Variants in FMN2 observed in about 807,000 individuals in gnomAD.
FMN2 encodes the protein formin 2, also known as formin-2.
FMN2 carries 51 observed loss-of-function variants against 142.3 expected under a neutral mutation model. The ratio of observed to expected loss-of-function variants is 0.36; its 90% CI spans 0.29 to 0.45. FMN2 has a LOEUF of 0.45. Among genes scored for constraint, FMN2 ranks in the 20% least tolerant of loss-of-function variants. The pLI, the probability that FMN2 is intolerant of heterozygous loss-of-function variation, is 1.00. For missense variants in FMN2, 1,936 were observed against 2,122.8 expected, an observed-to-expected ratio of 0.91 and a Z score of 1.73; for synonymous variants, 882 against 869.8, an observed-to-expected ratio of 1.01 and a Z score of -0.25.
At position 240,123,320 on chromosome 1, in the gene FMN2, C is replaced by T. The variant is rs765480341; in HGVS notation, c.1757C>T (p.Ala586Val). The change falls in exon 2 of 18, where the codon GCC (alanine) becomes GTC (valine). Residue 586 changes from alanine to valine, a missense_variant. Transcript: ENST00000319653. ...DCFREPCNQN[A>V]QTNAASFDQD... ...TTCAGGGAACCGTGTAATCAGAATG[C>T]CCAGACGAATGCAGCTTCGTTTGAT... is the stretch of plus-strand genomic sequence containing the variant. 7.4e-6 allele frequency: 12 copies of T among 1,613,946 alleles called. No homozygotes were observed. The highest frequency in any genetic ancestry group is 9.3e-6 in the Non-Finnish European group (11 of 1,179,966).
chr1:240,116,864 A>T (rs1052394282), intron 1 of FMN2, among the ~76,000 whole-genome samples: 2 of 152,138 alleles, frequency 1.3e-5, no homozygotes, highest in African/African-American at 4.8e-5. Flanking sequence ...AAGGAGGGAG[A>T]GGTAGCAAAC....
intron 14 of FMN2, among the ~76,000 whole-genome samples, chr1:240,358,030 G>T (rs1396651266): frequency 2.0e-5 from 3 of 152,150 alleles, no homozygotes; most frequent in African/African-American, 7.2e-5. Context: ...CTTAGAAGTA[G>T]GAAATGCTTC....
At chr1:240,256,014 A>G (rs57537518) in intron 6 of FMN2, among the ~76,000 whole-genome samples, 4,183 of 152,306 alleles carry the variant, frequency 0.027, 179 homozygotes, top group African/African-American at 0.095. Flanking sequence ...AAGAGAAGTT[A>G]CTACAAGGGT....
intron 14 of FMN2, among the ~76,000 whole-genome samples, chr1:240,375,801 T>C (rs889290030): frequency 1.3e-5 from 2 of 152,224 alleles, no homozygotes; most frequent in African/African-American, 4.8e-5. Flanking sequence ...AATGTCTCCA[T>C]TGCTTTGACA....
chr1:240,357,035 A>C (rs541429157), intron 14 of FMN2, among the ~76,000 whole-genome samples: 3 of 152,220 alleles, frequency 2.0e-5, no homozygotes, highest in Non-Finnish European at 4.4e-5. Flanking sequence ...AGTAAATATT[A>C]GGGAACATTG....
In FMN2 at chr1:240,135,444, CA is replaced by C. The variant is rs369564666; in HGVS notation, c.1782+12100del. On this transcript the variant is annotated intron_variant, in intron 2 of 17. Coordinates refer to ENST00000319653, the MANE Select transcript of FMN2 (RefSeq NM_020066.5). ...AGAATATAATAAGTGGATATGTATC[CA>C]GAAGTTCCTACTCGATTTCTTTCTT... 7.0e-4 allele frequency among the ~76,000 whole-genome samples: 106 copies of C among 152,134 alleles called. No homozygotes were observed. In the East Asian group the frequency reaches 0.013, roughly 18 times the overall value.
intron 2 of FMN2, among the ~76,000 whole-genome samples, chr1:240,167,319 G>A (rs952131609): frequency 1.4e-5 from 2 of 148,036 alleles, no homozygotes; most frequent in African/African-American, 5.1e-5. Flanking sequence ...ACAGAATTTT[G>A]CTCTGACACC....
chr1:240,132,271 G>A lies in FMN2; in HGVS notation c.1782+8926G>A, dbSNP rs538975939. On this transcript the variant is annotated intron_variant, in intron 2 of 17. Coordinates refer to ENST00000319653, the MANE Select transcript of FMN2 (RefSeq NM_020066.5). ...AAGGGCAAGGGAACTGATATTGCTG[G>A]CATAGACCATAGGTTGTATGGTAAA... Among the ~76,000 whole-genome samples the A allele has an allele frequency of 7.9e-5, 12 of 152,286 alleles. No homozygotes were observed. The South Asian group carries it at 2.5e-3, about 32-fold the overall frequency.
At chr1:240,240,269 T>A (rs1667848090) in intron 6 of FMN2, among the ~76,000 whole-genome samples, 1 of 152,122 alleles carries the variant, frequency 6.6e-6, no homozygotes, top group African/African-American at 2.4e-5. Flanking sequence ...TATGGATATG[T>A]GACCTTGAAC....
At chr1:240,196,431 G>T (rs1035517203) in intron 4 of FMN2, among the ~76,000 whole-genome samples, 1 of 152,200 alleles carries the variant, frequency 6.6e-6, no homozygotes, top group Non-Finnish European at 1.5e-5. Flanking sequence ...GGTTAGATAT[G>T]CAGATTCTCA....
rs139320376 is a variant in FMN2 at position 240,312,902 on chromosome 1, A to G, written c.4216-16174A>G. On this transcript the variant is annotated intron_variant, in intron 8 of 17. Coordinates refer to ENST00000319653, the MANE Select transcript of FMN2 (RefSeq NM_020066.5). Reference sequence around the variant, plus strand: ...TCCACACTTATCAATTTGCACATCAAGATTAGTGTTTTCCTTATATGTCAA... The same window carrying G: ...TCCACACTTATCAATTTGCACATCAGGATTAGTGTTTTCCTTATATGTCAA... Among the ~76,000 whole-genome samples the G allele has an allele frequency of 3.9e-5, 6 of 152,302 alleles. No homozygotes were observed. The East Asian group carries it at 9.6e-4, about 24-fold the overall frequency.
chr1:240,339,687 A>G (rs1392811995), intron 13 of FMN2, among the ~76,000 whole-genome samples: 1 of 152,086 alleles, frequency 6.6e-6, no homozygotes, highest in Non-Finnish European at 1.5e-5. Context: ...TCCATGATAA[A>G]TAATGTTTAT....
intron 8 of FMN2, among the ~76,000 whole-genome samples, chr1:240,296,225 AGAGAAAGG>A (rs1669974296): frequency 6.8e-6 from 1 of 148,054 alleles, no homozygotes; most frequent in Non-Finnish European, 1.5e-5. Context: ...CAAAGGTGGT[AGAGAAAGG>A]GAGTAAGGTA....
intron 2 of FMN2, chr1:240,154,823 T>TCCTTCCTTCCTA (rs1235907725): frequency 3.9e-5 from 3 of 77,254 alleles, no homozygotes; most frequent in African/African-American, 1.1e-4. Context: ...ATTTTTTCCT[T>TCCTTCCTTCCTA]CCTTCCTTCC....
chr1:240,436,508 G>T (rs1436252531), intron 15 of FMN2, among the ~76,000 whole-genome samples: 3 of 151,952 alleles, frequency 2.0e-5, no homozygotes, highest in Non-Finnish European at 4.4e-5. Context: ...TCACCTTAAA[G>T]ATCTCAGTAT....
intron 7 of FMN2, among the ~76,000 whole-genome samples, chr1:240,272,460 TTA>T (rs1245413163): frequency 2.0e-5 from 3 of 152,080 alleles, no homozygotes; most frequent in African/African-American, 7.2e-5. Context: ...ATAAGTAGAG[TTA>T]TGTTTGTATT....
At chr1:240,193,284 G>A (rs74516993) in intron 4 of FMN2, among the ~76,000 whole-genome samples, 6 of 152,308 alleles carry the variant, frequency 3.9e-5, no homozygotes, top group African/African-American at 1.4e-4. Flanking sequence ...CAAGGTATTT[G>A]TGGTAGATAT....
At position 240,275,934 on chromosome 1, in the gene FMN2, G is replaced by T. The variant is rs925669583; in HGVS notation, c.4153+17902G>T. Among the ~76,000 whole-genome samples, 6 of 152,128 alleles carry T rather than the reference G, an allele frequency of 3.9e-5. No individual in the cohort carries two copies. The East Asian group carries it at 1.2e-3, about 29-fold the overall frequency. Reference sequence around the variant, plus strand: ...ATATCCTTTGCCCACTTTTTGATGGGAAAGGGTATTCTTAAGTAGAAAGTA... The same window carrying T: ...ATATCCTTTGCCCACTTTTTGATGGTAAAGGGTATTCTTAAGTAGAAAGTA... On this transcript the variant is annotated intron_variant, in intron 7 of 17. Coordinates refer to ENST00000319653, the MANE Select transcript of FMN2 (RefSeq NM_020066.5).
chr1:240,204,678 G>A (rs540285838), intron 4 of FMN2, among the ~76,000 whole-genome samples: 9 of 152,238 alleles, frequency 5.9e-5, no homozygotes, highest in South Asian at 4.1e-4. Flanking sequence ...ATGAACCCGC[G>A]AGGCAGAGGT....
Sources: allele counts gnomAD v4.1 joint callset (sites outside exome capture counted in the v4.1 genomes callset), GRCh38; gene constraint gnomAD v4.1.1; transcripts MANE v1.5; gene names NCBI Gene and HGNC (gene_info 2026-07-23, HGNC 2026-07-21).